The following PDE7A variants were observed in gnomAD, a reference collection of about 807,000 sequenced individuals.
The protein encoded by PDE7A is high affinity 3',5'-cyclic-AMP phosphodiesterase 7A.
PDE7A carries 39 observed loss-of-function variants against 64.3 expected under a neutral mutation model. That is an observed-to-expected ratio of 0.61 (90% CI 0.47 to 0.79). The LOEUF (loss-of-function observed/expected upper bound fraction) is 0.79, where lower values mean the gene tolerates loss of function less well. Among genes scored for constraint, PDE7A ranks in the 30% least tolerant of loss-of-function variants. The probability of loss-of-function intolerance (pLI) is 0.00; values close to 1 mark genes in which losing one functional copy is unlikely to be tolerated. For missense variants in PDE7A, 470 were observed against 582.8 expected (o/e 0.81, Z 1.99); for synonymous variants, 203 against 206.8 (o/e 0.98, Z 0.16).
chr8:65,808,477 T>TA (rs1563515341), intron 1 of PDE7A, among the ~76,000 whole-genome samples: 2 of 152,116 alleles, frequency 1.3e-5, no homozygotes, highest in South Asian at 2.1e-4. Flanking sequence ...AGTTTTTTTT[T>TA]AAAAACAAAC....
At chr8:65,818,479 C>T (rs1429160913) in intron 1 of PDE7A, among the ~76,000 whole-genome samples, 1 of 152,120 alleles carries the variant, frequency 6.6e-6, no homozygotes, top group East Asian at 1.9e-4. Context: ...AGCCTGCCTT[C>T]CTAGTTGTCC....
At chr8:65,835,504 C>T (rs1810929008) in intron 1 of PDE7A, among the ~76,000 whole-genome samples, 1 of 152,170 alleles carries the variant, frequency 6.6e-6, no homozygotes, top group South Asian at 2.1e-4. Flanking sequence ...TTGTCCACTC[C>T]CCCTTTCTTC....
intron 3 of PDE7A, among the ~76,000 whole-genome samples, chr8:65,751,014 T>C (rs1217208464): frequency 2.0e-5 from 3 of 152,192 alleles, no homozygotes; most frequent in African/African-American, 7.2e-5. Flanking sequence ...CACTTAATGA[T>C]ATAGGACCAC....
At chr8:65,761,502 C>A (rs1383100139) in intron 3 of PDE7A, among the ~76,000 whole-genome samples, 2 of 152,228 alleles carry the variant, frequency 1.3e-5, no homozygotes, top group African/African-American at 4.8e-5. Flanking sequence ...AAGTCCCAGG[C>A]TTGTGCTAGT....
chr8:65,834,497 G>A (rs1301414540), intron 1 of PDE7A, among the ~76,000 whole-genome samples: 2 of 152,286 alleles, frequency 1.3e-5, no homozygotes, highest in East Asian at 1.9e-4. Flanking sequence ...AGGGTCAGCT[G>A]TAATTATAAT....
At chr8:65,757,546 G>A (rs548007065) in intron 3 of PDE7A, among the ~76,000 whole-genome samples, 8 of 152,182 alleles carry the variant, frequency 5.3e-5, no homozygotes, top group African/African-American at 9.6e-5. Flanking sequence ...TATTCTTTCC[G>A]GCATCTGGAA....
intron 3 of PDE7A, among the ~76,000 whole-genome samples, chr8:65,762,282 A>G (rs1808535763): frequency 6.6e-6 from 1 of 152,220 alleles, no homozygotes; most frequent in South Asian, 2.1e-4. Context: ...TATTGTTAAC[A>G]TCGGGTAATT....
chr8:65,825,732 G>T (rs544017066), intron 1 of PDE7A, among the ~76,000 whole-genome samples: 17 of 152,250 alleles, frequency 1.1e-4, no homozygotes, highest in African/African-American at 4.1e-4. Context: ...GAGATTAAAT[G>T]AGTAAGTTTT....
At position 65,716,105 on chromosome 8, in the gene PDE7A, CAT is replaced by C. The variant is rs1806130986; in HGVS notation, c.*3183_*3184del. Among the ~76,000 whole-genome samples the C allele has an allele frequency of 7.1e-6, 1 of 140,028 alleles. No homozygotes were observed. The highest frequency in any genetic ancestry group is 7.3e-5 in the Admixed American group (1 of 13,634). The allele number at this position is 140,028 out of a possible 152,430, so 91.9% of individuals were successfully genotyped here. On this transcript the variant is annotated 3_prime_UTR_variant, in exon 13 of 13. Transcript: ENST00000401827. The stretch of plus-strand genomic sequence containing the variant: ...CCTAGGAGGTGGAGGCTGCAGTGAT[CAT>C]GCCACTGCACTCCAGCCTAGTTAGC...
At chr8:65,764,409 G>T (rs1215596293) in intron 3 of PDE7A, among the ~76,000 whole-genome samples, 2 of 152,184 alleles carry the variant, frequency 1.3e-5, no homozygotes, top group Admixed American at 1.3e-4. Flanking sequence ...TACAAATGAT[G>T]GATAGCTGCT....
chr8:65,735,230 C>T lies in PDE7A; in HGVS notation c.596-336G>A, dbSNP rs141050204. On this transcript the variant is annotated intron_variant, in intron 6 of 12. Coordinates refer to ENST00000401827, the MANE Select transcript of PDE7A (RefSeq NM_001242318.3). ...CCTACCTGTGATGGGGAAACACAAT[C>T]GCCGAGTGAGCGGGACAGACCATCA... Among the ~76,000 whole-genome samples the T allele has an allele frequency of 2.6e-5, 4 of 152,266 alleles. No homozygotes were observed. The East Asian group carries it at 7.7e-4, about 29-fold the overall frequency.
chr8:65,773,763 G>C (rs1254305426), intron 3 of PDE7A, among the ~76,000 whole-genome samples: 1 of 152,000 alleles, frequency 6.6e-6, no homozygotes, highest in Non-Finnish European at 1.5e-5. Flanking sequence ...AATTTCATTA[G>C]AGATACTTCT....
Position 65,717,679 on chromosome 8 carries a change from A to C in PDE7A, c.*1611T>G, listed in dbSNP as rs1482011113. On this transcript the variant is annotated 3_prime_UTR_variant, in exon 13 of 13. Coordinates refer to ENST00000401827, the MANE Select transcript of PDE7A (RefSeq NM_001242318.3). Reference sequence around the variant, plus strand: ...AGTTATAAGGTAAATGTCAAAGATAAAAATATGAAAAGATAGGTTTTTATT... The same window carrying C: ...AGTTATAAGGTAAATGTCAAAGATACAAATATGAAAAGATAGGTTTTTATT... 1 of 152,250 alleles carries C rather than the reference A, an allele frequency of 6.6e-6. No homozygotes were observed. Among genetic ancestry groups the C allele is most frequent in the African/African-American group, 2.4e-5 (1 of 41,468 alleles). The allele number at this position is 152,250 out of a possible 1,614,324, so 9.4% of individuals were successfully genotyped here.
At chr8:65,836,529 G>A (rs764473735) in intron 1 of PDE7A, among the ~76,000 whole-genome samples, 6 of 152,132 alleles carry the variant, frequency 3.9e-5, no homozygotes, top group Non-Finnish European at 7.4e-5. Flanking sequence ...CTTACCTTTT[G>A]ACCCAACCTA....
At chr8:65,785,133 T>C (rs549439600) in intron 1 of PDE7A, among the ~76,000 whole-genome samples, 106 of 152,272 alleles carry the variant, frequency 7.0e-4, no homozygotes, top group African/African-American at 2.5e-3. Flanking sequence ...AAATCTTACA[T>C]GATTTCACAA....
intron 1 of PDE7A, among the ~76,000 whole-genome samples, chr8:65,840,760 T>C (rs1188299062): frequency 6.6e-6 from 1 of 152,238 alleles, no homozygotes; most frequent in African/African-American, 2.4e-5. Context: ...AAAATCTCCT[T>C]ATCAAATTAA....
chr8:65,778,706 T>A (rs989380903), intron 3 of PDE7A, among the ~76,000 whole-genome samples: 2 of 152,212 alleles, frequency 1.3e-5, no homozygotes, highest in Admixed American at 6.5e-5. Context: ...CTGACTACTC[T>A]CTGCCTAGGA....
intron 1 of PDE7A, 62 bp downstream of exon 1, chr8:65,841,309 G>A (rs1488927598): frequency 1.4e-5 from 20 of 1,420,948 alleles, no homozygotes; most frequent in Non-Finnish European, 1.5e-5. Flanking sequence ...AGGTGAAGCT[G>A]GGTGGGCAGA....
chr8:65,794,048 C>T lies in PDE7A; in HGVS notation c.139-11205G>A, dbSNP rs368406855. ...TAATGTAACTGACAGCTCATAAGTG[C>T]TTATAGGCTAACAATTTTAATTTTA... On this transcript the variant is annotated intron_variant, in intron 1 of 12. Coordinates refer to ENST00000401827, the MANE Select transcript of PDE7A (RefSeq NM_001242318.3). Among the ~76,000 whole-genome samples, 24 of 152,232 alleles carry T rather than the reference C, an allele frequency of 1.6e-4. 3 individuals carry two copies. Among genetic ancestry groups the T allele is most frequent in the Admixed American group, 1.1e-3 (17 of 15,284 alleles).
Sources: allele counts gnomAD v4.1 joint callset (sites outside exome capture counted in the v4.1 genomes callset), GRCh38; gene constraint gnomAD v4.1.1; transcripts MANE v1.5; gene names NCBI Gene and HGNC (gene_info 2026-07-23, HGNC 2026-07-21).